CUL4B: variants seen among roughly 807,000 people sequenced by gnomAD.
The protein encoded by CUL4B is cullin 4B, also known as cullin-4B.
Under a neutral mutation model 69.2 loss-of-function variants are expected in CUL4B, and 1 was observed. That is an observed-to-expected ratio of 0.01 (90% confidence interval 0.01 to 0.07). CUL4B has a LOEUF of 0.07. Among genes scored for constraint, CUL4B ranks in the 10% least tolerant of loss-of-function variants. The pLI, the probability that CUL4B is intolerant of heterozygous loss-of-function variation, is 1.00. For synonymous variants in CUL4B, 237 were observed against 223.2 expected (o/e 1.06, Z -0.55); for missense variants, 328 against 638.8 (o/e 0.51, Z 5.24).
At chrX:120,541,929 G>C (rs944767120) in intron 9 of CUL4B, among the ~76,000 whole-genome samples, 1 of 109,914 alleles carries the variant, frequency 9.1e-6, no homozygotes, top group Non-Finnish European at 1.9e-5. Flanking sequence ...GACTTTAGTC[G>C]CTATAAAAAT....
Position 120,541,538 on chromosome X carries a change from A to G in CUL4B, c.1443+64T>C, listed in dbSNP as rs949640850. The stretch of plus-strand genomic sequence containing the variant: ...TTGGATCAAACAAGAAATGCTTGCC[A>G]ATATGCACTCTTGATGTGTAGATAA... On this transcript the variant is annotated intron_variant, in intron 10 of 19. Coordinates refer to ENST00000371322, the MANE Select transcript of CUL4B (RefSeq NM_001079872.2). The G allele has an allele frequency of 3.9e-6, 3 of 765,234 alleles. No individual in the cohort carries two copies. The African/African-American group carries it at 6.2e-5, about 16-fold the overall frequency. The allele number at this position is 765,234 out of a possible 1,213,427, so 63.1% of individuals were successfully genotyped here.
intron 17 of CUL4B, among the ~76,000 whole-genome samples, chrX:120,533,902 C>T (rs1030592420): frequency 3.6e-5 from 4 of 110,649 alleles, no homozygotes; most frequent in Non-Finnish European, 7.6e-5. Flanking sequence ...CCCGTCTCTA[C>T]TAAAAATACA....
At chrX:120,537,994 G>T in intron 14 of CUL4B, 130 bp downstream of exon 14, 2 of 474,946 alleles carry the variant, frequency 4.2e-6, no homozygotes, top group Admixed American at 3.8e-5. Context: ...TTTTTCTACT[G>T]TGAATATCAC....
At chrX:120,553,356 T>C (rs933713535) in intron 2 of CUL4B, among the ~76,000 whole-genome samples, 1 of 111,966 alleles carries the variant, frequency 8.9e-6, no homozygotes, top group Non-Finnish European at 1.9e-5. Flanking sequence ...GATAATAACC[T>C]ATACTATTTG....
intron 19 of CUL4B, 119 bp downstream of exon 19, chrX:120,529,983 A>T: frequency 1.3e-6 from 1 of 783,302 alleles, no homozygotes. Flanking sequence ...ATGGGAAATT[A>T]AAACTTTTCT....
At chrX:120,535,704 C>CAA (rs71820203) in intron 16 of CUL4B, 126 bp downstream of exon 16, 6,582 of 174,032 alleles carry the variant, frequency 0.038, 82 homozygotes, top group Admixed American at 0.048. Context: ...GACTCTGTCT[C>CAA]AAAAAAAAAA....
In CUL4B at chrX:120,560,181, T is replaced by C. The variant is rs1925199643; in HGVS notation, c.458A>G (p.His153Arg). 5 of 1,211,912 alleles carry C rather than the reference T, an allele frequency of 4.1e-6. No individual in the cohort carries two copies. Among genetic ancestry groups the C allele is most frequent in the Non-Finnish European group, 4.5e-6 (4 of 895,484 alleles). ...AGATTTGGCTAGGCCGTTTGCATGA[T>C]GCACCGAAGCCACAGAAGAGATTAA... is the stretch of plus-strand genomic sequence containing the variant. ...SILISSVASV[H>R]HANGLAKSST... is the part of the protein sequence containing the mutation. Residue 153 changes from histidine to arginine, a missense_variant, in exon 1 of 20, where the codon CAT becomes CGT. Around this residue, in one of 4 missense-constraint regions of CUL4B, gnomAD observed 102 missense variants for 122.1 expected, o/e 0.84. Coordinates refer to ENST00000371322, the MANE Select transcript of CUL4B (RefSeq NM_001079872.2).
chrX:120,534,110 C>T (rs768769282), intron 17 of CUL4B, among the ~76,000 whole-genome samples: 1 of 109,541 alleles, frequency 9.1e-6, no homozygotes, highest in African/African-American at 3.3e-5. Flanking sequence ...GGGCTCATGC[C>T]TGTAATTGCA....
In CUL4B at chrX:120,535,819, C is replaced by T; in HGVS notation, c.2160+11G>A. 1.8e-6 allele frequency: 2 copies of T among 1,087,434 alleles called. No homozygotes were observed. The highest frequency in any genetic ancestry group is 3.7e-5 in the South Asian group (2 of 54,080). 89.6% of individuals were successfully genotyped at this position (1,087,434 alleles called of 1,213,427 possible). ...AGATGAAAACTAAAAGTTTTGGGAA[C>T]ATCCACTTACCTCTTTAAATTCTGC... On this transcript the variant is annotated intron_variant, in intron 16 of 19. Transcript: ENST00000371322.
upstream of CUL4B, chrX:120,561,454 G>C (rs1018213547): frequency 7.5e-6 from 4 of 530,783 alleles, no homozygotes; most frequent in African/African-American, 7.2e-5. Context: ...GGGGGGGAAG[G>C]GGGGAGGGAG....
intron 2 of CUL4B, among the ~76,000 whole-genome samples, chrX:120,552,409 A>G (rs1924743479): frequency 8.9e-6 from 1 of 112,679 alleles, no homozygotes; most frequent in African/African-American, 3.2e-5. Context: ...TGGCCTCCCA[A>G]AGTGTTGGGA....
chrX:120,541,628 A>G lies in CUL4B; in HGVS notation c.1417T>C (p.Leu473=). 8.3e-7 allele frequency: 1 copy of G among 1,203,359 alleles called. No individual in the cohort carries two copies. Among genetic ancestry groups the G allele is most frequent in the Non-Finnish European group, 1.1e-6 (1 of 887,696 alleles). The change falls in exon 10 of 20, where the codon TTG becomes CTG. Residue 473 remains leucine, a synonymous_variant. Transcript: ENST00000371322. ...TTGATATATTCGATCCACTGCTGCA[A>G]AAGAACCTGAACTCCACCTCGAACT... ...SRVRGGVQVL[L]QQWIEYIKAF... is the part of the protein sequence containing the mutation.
chrX:120,540,545 A>T lies in CUL4B; in HGVS notation c.1461T>A (p.Ile487=). ...TTTTATCTTTTTCAGGATTAATTAC[A>T]ATAGTGCTGCCAAATGCCTAAAACA... ...IEYIKAFGST[I]VINPEKDKTM... The change falls in exon 11 of 20, where the codon ATT becomes ATA. Residue 487 remains isoleucine, a synonymous_variant. Transcript: ENST00000371322. 1 of 1,204,799 alleles carries T rather than the reference A, an allele frequency of 8.3e-7. No individual in the cohort carries two copies. The highest frequency in any genetic ancestry group is 1.1e-6 in the Non-Finnish European group (1 of 890,615).
intron 1 of CUL4B, among the ~76,000 whole-genome samples, chrX:120,559,348 C>T (rs1163983001): frequency 8.9e-6 from 1 of 112,151 alleles, no homozygotes; most frequent in Non-Finnish European, 1.9e-5. Context: ...TCAATGTATT[C>T]ATAATACTCT....
chrX:120,556,913 ATTTTT>A (rs72098040), intron 2 of CUL4B, among the ~76,000 whole-genome samples: 2 of 24,764 alleles, frequency 8.1e-5, no homozygotes, highest in Admixed American at 4.9e-4. Context: ...GTATATATAT[ATTTTT>A]TTTTTTTTTT....
chrX:120,563,479 C>T (rs750312282), upstream of CUL4B, among the ~76,000 whole-genome samples: 1 of 111,619 alleles, frequency 9.0e-6, no homozygotes, highest in African/African-American at 3.3e-5. Flanking sequence ...TCAAGTGATC[C>T]GCCTGCCTCA....
rs764332387 is a variant in CUL4B at position 120,532,166 on chromosome X, T to C, written c.2439+256A>G. Among the ~76,000 whole-genome samples, 13 of 111,769 alleles carry C rather than the reference T, an allele frequency of 1.2e-4. No homozygotes were observed. The South Asian group carries it at 4.1e-3, about 35-fold the overall frequency. ...TCTGCCATTTTTCGAAGCTATTTAATGGCATGGAAAAATTCTAAAGATTGA... is the reference window on the plus strand; with the variant it reads ...TCTGCCATTTTTCGAAGCTATTTAACGGCATGGAAAAATTCTAAAGATTGA... On this transcript the variant is annotated intron_variant, in intron 18 of 19. Coordinates refer to ENST00000371322, the MANE Select transcript of CUL4B (RefSeq NM_001079872.2).
At chrX:120,538,056 C>A (rs1923774018) in intron 14 of CUL4B, 68 bp downstream of exon 14, 3 of 760,559 alleles carry the variant, frequency 3.9e-6, no homozygotes, top group Non-Finnish European at 6.1e-6. Context: ...CTCTTTAGTA[C>A]AAATCATAGC....
chrX:120,560,187 G>A lies in CUL4B; in HGVS notation c.452C>T (p.Ser151Leu). The stretch of plus-strand genomic sequence containing the variant: ...GGCTAGGCCGTTTGCATGATGCACC[G>A]AAGCCACAGAAGAGATTAATATACT... ...NKSILISSVA[S>L]VHHANGLAKS... The change falls in exon 1 of 20, where the codon TCG (serine) becomes TTG (leucine). Residue 151 changes from serine to leucine, a missense_variant. By Grantham distance (145) the Ser-to-Leu change is moderately radical. Transcript: ENST00000371322. 8.3e-7 allele frequency: 1 copy of A among 1,211,418 alleles called. No individual in the cohort carries two copies. Among genetic ancestry groups the A allele is most frequent in the Non-Finnish European group, 1.1e-6 (1 of 895,309 alleles).
Sources: gnomAD v4.1 joint callset for allele counts (sites outside exome capture counted in the v4.1 genomes callset) on GRCh38, gnomAD v4.1.1 for gene constraint, gnomAD v4.1.1 regional missense constraint, MANE v1.5 for transcripts, NCBI Gene and HGNC (gene_info 2026-07-23, HGNC 2026-07-21) for gene names.